The following ADAM7 variants were observed in gnomAD, a reference collection of about 807,000 sequenced individuals.
ADAM7 encodes the protein ADAM metallopeptidase domain 7, also known as disintegrin and metalloproteinase domain-containing protein 7.
ADAM7 carries 97 observed loss-of-function variants against 102.9 expected under a neutral mutation model. That is an observed-to-expected ratio of 0.94 (90% CI 0.80 to 1.12). The LOEUF (loss-of-function observed/expected upper bound fraction) is 1.12. ADAM7 is among the 50% of genes most tolerant of loss of function. The pLI, the probability that ADAM7 is intolerant of heterozygous loss-of-function variation, is 0.00. For synonymous variants in ADAM7, 334 were observed against 304.4 expected (o/e 1.10, Z -1.01); for missense variants, 991 against 908.7 (o/e 1.09, Z -1.16).
At position 24,487,308 on chromosome 8, in the gene ADAM7, G is replaced by C. The variant is rs1172186708; in HGVS notation, c.1082G>C (p.Ser361Thr). The change falls in exon 11 of 22, where the codon AGT becomes ACT. Residue 361 changes from serine to threonine, a missense_variant. Physicochemically the swap from Ser to Thr is moderately conservative, Grantham distance 58 (BLOSUM62 1). Transcript: ENST00000175238. Reference sequence around the variant, plus strand: ...CCTTCAGGAAAATGCGTGATGGACAGTGATGGAAGGTGAGATTCGAACAAT... The same window carrying C: ...CCTTCAGGAAAATGCGTGATGGACACTGATGGAAGGTGAGATTCGAACAAT... ...TCPSGKCVMD[S>T]DGSIPALKFS... 7.4e-6 allele frequency: 12 copies of C among 1,613,468 alleles called. No homozygotes were observed. The highest frequency in any genetic ancestry group is 1.7e-5 in the Admixed American group (1 of 59,976).
intron 1 of ADAM7, among the ~76,000 whole-genome samples, chr8:24,442,128 C>G (rs1410733829): frequency 1.3e-5 from 2 of 151,962 alleles, no homozygotes; most frequent in Non-Finnish European, 2.9e-5. Flanking sequence ...GAGCCGAGAT[C>G]ACGCCACTAC....
chr8:24,487,396 C>A (rs1365041989), intron 11 of ADAM7, 79 bp downstream of exon 11: 1 of 1,505,828 alleles, frequency 6.6e-7, no homozygotes, highest in Admixed American at 1.9e-5. Flanking sequence ...CCTGTAATCC[C>A]AGCACTTTGG....
At position 24,459,115 on chromosome 8, in the gene ADAM7, A is replaced by G. The variant is rs1392553965; in HGVS notation, c.234-4767A>G. ...TTTCAAAGTGTTTGACAGAATTTAC[A>G]AAGGAAACTGCATGTGCCTTGAGCA... On this transcript the variant is annotated intron_variant, in intron 3 of 21. Transcript: ENST00000175238. Among the ~76,000 whole-genome samples, 6 of 152,108 alleles carry G rather than the reference A, an allele frequency of 3.9e-5. No individual in the cohort carries two copies. In the East Asian group the frequency reaches 5.8e-4, roughly 15 times the overall value.
At chr8:24,463,580 G>C (rs1456586896) in intron 3 of ADAM7, among the ~76,000 whole-genome samples, 1 of 151,840 alleles carries the variant, frequency 6.6e-6, no homozygotes, top group Non-Finnish European at 1.5e-5. Context: ...CATGTTTTTT[G>C]CATTAATTTT....
chr8:24,486,155 A>C (rs1820137866), intron 10 of ADAM7, among the ~76,000 whole-genome samples: 1 of 152,184 alleles, frequency 6.6e-6, no homozygotes, highest in African/African-American at 2.4e-5. Flanking sequence ...AGATTATGCT[A>C]TTATAATCAC....
rs142350551 is a variant in ADAM7 at position 24,489,467 on chromosome 8, T to G, written c.1266+134T>G. 584 of 830,660 alleles carry G rather than the reference T, an allele frequency of 7.0e-4. 1 individual carries two copies. The African/African-American group carries it at 9.4e-3, about 13-fold the overall frequency. 51.5% of individuals were successfully genotyped at this position (830,660 alleles called of 1,614,324 possible). On this transcript the variant is annotated intron_variant, in intron 12 of 21. Coordinates refer to ENST00000175238, the MANE Select transcript of ADAM7 (RefSeq NM_003817.4). The stretch of plus-strand genomic sequence containing the variant: ...TTAAAAATTTTGCTTTCCATTTTTA[T>G]TTTGATTTTATAAAACAAATTATTG...
At chr8:24,499,402 G>A in intron 17 of ADAM7, 86 bp downstream of exon 17, 1 of 921,692 alleles carries the variant, frequency 1.1e-6, no homozygotes, top group Non-Finnish European at 1.5e-6. Context: ...GTATATGTAT[G>A]TATATATGTA....
chr8:24,455,889 T>C (rs1165623040), intron 3 of ADAM7, among the ~76,000 whole-genome samples: 1 of 152,234 alleles, frequency 6.6e-6, no homozygotes, highest in African/African-American at 2.4e-5. Flanking sequence ...CAAAGTGATG[T>C]TATGATTCAT....
intron 3 of ADAM7, among the ~76,000 whole-genome samples, chr8:24,453,320 T>C (rs563830213): frequency 6.5e-4 from 99 of 152,222 alleles, no homozygotes; most frequent in African/African-American, 2.2e-3. Flanking sequence ...TTTCACATAG[T>C]CCCATATTTC....
At chr8:24,507,406 C>T in intron 20 of ADAM7, 74 bp from the exon 21 acceptor site, 1 of 1,208,964 alleles carries the variant, frequency 8.3e-7, no homozygotes, top group Non-Finnish European at 1.2e-6. Flanking sequence ...TGTGCACATG[C>T]ATGTCTGTGT....
At chr8:24,441,259 G>T (rs1026307125) in intron 1 of ADAM7, 99 bp downstream of exon 1, 7 of 1,223,162 alleles carry the variant, frequency 5.7e-6, no homozygotes, top group South Asian at 1.2e-5. Context: ...AACATTAAAC[G>T]TTGATGATTT....
chr8:24,453,705 C>A (rs900009038), intron 3 of ADAM7, among the ~76,000 whole-genome samples: 9 of 152,222 alleles, frequency 5.9e-5, no homozygotes, highest in Non-Finnish European at 1.3e-4. Context: ...GAACTGCGTT[C>A]CTTTGGAGGA....
At chr8:24,474,633 G>C (rs1341930097) in intron 7 of ADAM7, among the ~76,000 whole-genome samples, 6 of 152,132 alleles carry the variant, frequency 3.9e-5, no homozygotes, top group African/African-American at 1.4e-4. Context: ...GCTCACACCT[G>C]TAAACCCAGC....
chr8:24,505,372 G>A (rs1344769531), intron 20 of ADAM7, among the ~76,000 whole-genome samples: 1 of 152,110 alleles, frequency 6.6e-6, no homozygotes, highest in African/African-American at 2.4e-5. Context: ...ATAAATATCT[G>A]TTGAATATGT....
Position 24,501,458 on chromosome 8 carries a change from T to C in ADAM7, c.2109-19T>C, listed in dbSNP as rs1346944557. 1.3e-6 allele frequency: 2 copies of C among 1,576,894 alleles called. No homozygotes were observed. Among genetic ancestry groups the C allele is most frequent in the South Asian group, 1.2e-5 (1 of 85,506 alleles). On this transcript the variant is annotated intron_variant, in intron 19 of 21. Coordinates refer to ENST00000175238, the MANE Select transcript of ADAM7 (RefSeq NM_003817.4). ...GCCCTATATCTAATAAATTAGTTGT[T>C]CAATTTCCTTCTTGACAGCCCACCT...
chr8:24,447,759 A>G (rs1339755743), intron 3 of ADAM7, among the ~76,000 whole-genome samples: 2 of 152,112 alleles, frequency 1.3e-5, no homozygotes, highest in East Asian at 3.8e-4. Flanking sequence ...AAGAATGTCT[A>G]TTGTTGCCGC....
At chr8:24,448,337 G>A (rs944439188) in intron 3 of ADAM7, among the ~76,000 whole-genome samples, 1 of 152,090 alleles carries the variant, frequency 6.6e-6, no homozygotes, top group Non-Finnish European at 1.5e-5. Context: ...CTAGGCCTCT[G>A]AGTCAATTTC....
At chr8:24,500,941 A>C in intron 19 of ADAM7, 46 bp downstream of exon 19, 1 of 1,465,868 alleles carries the variant, frequency 6.8e-7, no homozygotes, top group Middle Eastern at 1.8e-4. Flanking sequence ...ATTGTTACTG[A>C]GAATATGTAA....
In ADAM7 at chr8:24,482,202, G is replaced by C; in HGVS notation, c.766G>C (p.Asp256His). Residue 256 changes from aspartate (D) to histidine (H), a missense_variant, in exon 9 of 22, where the codon GAT (aspartate) becomes CAT (histidine). Physicochemically the swap from Asp to His is moderately conservative, Grantham distance 81. Transcript: ENST00000175238. Reference protein sequence around the residue: ...LVGIEIWTHEDKIELYSNIET... With the variant: ...LVGIEIWTHEHKIELYSNIET... The stretch of plus-strand genomic sequence containing the variant: ...TGGCATTGAAATATGGACACATGAA[G>C]ATAAAATAGAACTATATTCAAATAT... The C allele has an allele frequency of 1.9e-6, 3 of 1,607,354 alleles. No homozygotes were observed. Among genetic ancestry groups the C allele is most frequent in the Non-Finnish European group, 2.5e-6 (3 of 1,177,574 alleles).
Sources: allele counts gnomAD v4.1 joint callset (sites outside exome capture counted in the v4.1 genomes callset), GRCh38; gene constraint gnomAD v4.1.1; transcripts MANE v1.5; gene names NCBI Gene and HGNC (gene_info 2026-07-23, HGNC 2026-07-21).